Variants in GRIA4 observed in about 807,000 individuals in gnomAD.
GRIA4 encodes glutamate ionotropic receptor AMPA type subunit 4.
A neutral mutation model predicts 104.0 loss-of-function variants in GRIA4; 34 were observed. The ratio of observed to expected loss-of-function variants is 0.33; its 90% CI spans 0.25 to 0.44. GRIA4 has a LOEUF of 0.44. GRIA4 is among the 20% of genes least tolerant of loss of function. The probability of loss-of-function intolerance (pLI) is 1.00; values close to 1 mark genes in which losing one functional copy is unlikely to be tolerated. For missense variants in GRIA4, 750 were observed against 1,096.5 expected (o/e 0.68, Z 4.46); for synonymous variants, 386 against 381.9 (o/e 1.01, Z -0.13).
intron 4 of GRIA4, 89 bp from the exon 5 acceptor site, chr11:105,861,935 A>T: frequency 1.3e-6 from 1 of 748,214 alleles, no homozygotes; most frequent in East Asian, 2.5e-5. Context: ...ATTTTGGAAC[A>T]TAACAGTGTT....
chr11:105,887,310 T>C (rs1946299704), intron 5 of GRIA4, among the ~76,000 whole-genome samples: 2 of 152,140 alleles, frequency 1.3e-5, no homozygotes, highest in African/African-American at 4.8e-5. Context: ...TGATAGAATG[T>C]GATTTAAATA....
chr11:105,633,350 G>A (rs1352685634), intron 3 of GRIA4, among the ~76,000 whole-genome samples: 1 of 152,136 alleles, frequency 6.6e-6, no homozygotes, highest in Non-Finnish European at 1.5e-5. Flanking sequence ...ATTTTGAAAT[G>A]TCAATTTACA....
chr11:105,787,219 T>G (rs1287463412), intron 4 of GRIA4, among the ~76,000 whole-genome samples: 1 of 152,180 alleles, frequency 6.6e-6, no homozygotes, highest in African/African-American at 2.4e-5. Flanking sequence ...CAAACTCATA[T>G]TCAAATTAAT....
chr11:105,671,116 A>G (rs774895080), intron 3 of GRIA4, among the ~76,000 whole-genome samples: 2 of 152,160 alleles, frequency 1.3e-5, no homozygotes, highest in Non-Finnish European at 2.9e-5. Flanking sequence ...CCTGGGTAAT[A>G]CCAGATAATT....
chr11:105,830,607 G>A (rs934515317), intron 4 of GRIA4, among the ~76,000 whole-genome samples: 3 of 152,034 alleles, frequency 2.0e-5, no homozygotes, highest in African/African-American at 4.8e-5. Context: ...CAGATAGTAG[G>A]TGGTCTACTT....
intron 4 of GRIA4, among the ~76,000 whole-genome samples, chr11:105,794,537 GTCTC>G (rs1942398968): frequency 9.8e-6 from 1 of 102,330 alleles, no homozygotes; most frequent in Non-Finnish European, 2.0e-5. Flanking sequence ...ACACATATCT[GTCTC>G]TCTGAGATAT....
At position 105,748,413 on chromosome 11, in the gene GRIA4, C is replaced by T. The variant is rs932793267; in HGVS notation, c.248-4568C>T. On this transcript the variant is annotated intron_variant, in intron 3 of 16. Transcript: ENST00000282499. The stretch of plus-strand genomic sequence containing the variant: ...TTTTTTTTTGAGACGGAGTTTTGCT[C>T]TTGCTGCCCAGGCTGGAGTGCAGTG... Among the ~76,000 whole-genome samples the T allele has an allele frequency of 4.6e-5, 7 of 151,074 alleles. No homozygotes were observed. In the East Asian group the frequency reaches 1.2e-3, roughly 25 times the overall value.
At chr11:105,704,353 G>A (rs1160568155) in intron 3 of GRIA4, among the ~76,000 whole-genome samples, 3 of 152,106 alleles carry the variant, frequency 2.0e-5, no homozygotes, top group African/African-American at 7.2e-5. Flanking sequence ...TAGATAAGGA[G>A]GTAGTGGTTA....
rs139239148 is a variant in GRIA4, at chr11:105,972,895, A to C, written c.2409+867A>C. Among the ~76,000 whole-genome samples the C allele has an allele frequency of 3.6e-3, 546 of 152,288 alleles. 4 individuals carry two copies. Among genetic ancestry groups the C allele is most frequent in the African/African-American group, 0.013 (522 of 41,560 alleles). ...TCTTCTTTAAGAAAGAAAACAAATTACTGGATATTCTAAGATATTAAACAT... is the reference window on the plus strand; with the variant it reads ...TCTTCTTTAAGAAAGAAAACAAATTCCTGGATATTCTAAGATATTAAACAT... On this transcript the variant is annotated intron_variant, in intron 15 of 16. Coordinates refer to ENST00000282499, the MANE Select transcript of GRIA4 (RefSeq NM_000829.4).
chr11:105,839,231 A>G (rs1269394500), intron 4 of GRIA4, among the ~76,000 whole-genome samples: 3 of 152,160 alleles, frequency 2.0e-5, no homozygotes, highest in African/African-American at 7.2e-5. Flanking sequence ...TCCACTTTGT[A>G]TGGAAGATGT....
chr11:105,830,395 A>G (rs1338535093), intron 4 of GRIA4, among the ~76,000 whole-genome samples: 1 of 152,038 alleles, frequency 6.6e-6, no homozygotes, highest in African/African-American at 2.4e-5. Flanking sequence ...AATTTATTAA[A>G]GTTTATTCAA....
At chr11:105,846,033 CA>C in intron 4 of GRIA4, among the ~76,000 whole-genome samples, 1 of 152,232 alleles carries the variant, frequency 6.6e-6, no homozygotes, top group Non-Finnish European at 1.5e-5. Context: ...CTTAGAGAAA[CA>C]AAGTGTTTTT....
intron 4 of GRIA4, among the ~76,000 whole-genome samples, chr11:105,786,259 T>G (rs955190519): frequency 9.9e-5 from 15 of 152,078 alleles, no homozygotes; most frequent in Non-Finnish European, 2.2e-4. Context: ...AAGATCACAT[T>G]ACCGAGTTGA....
chr11:105,942,883 T>TG (rs969425655), intron 14 of GRIA4, among the ~76,000 whole-genome samples: 1 of 151,980 alleles, frequency 6.6e-6, no homozygotes, highest in Admixed American at 6.6e-5. Context: ...TTCCCAAAAA[T>TG]GGGGGGAAAT....
chr11:105,811,666 T>G (rs1049824281), intron 4 of GRIA4, among the ~76,000 whole-genome samples: 3 of 152,124 alleles, frequency 2.0e-5, no homozygotes, highest in Admixed American at 2.0e-4. Flanking sequence ...ATGCAGCAAA[T>G]TTTTTGGAAA....
chr11:105,924,282 C>T, intron 11 of GRIA4, 117 bp from the exon 12 acceptor site: 1 of 702,388 alleles, frequency 1.4e-6, no homozygotes, highest in Non-Finnish European at 2.3e-6. Flanking sequence ...TGTTGGCACT[C>T]CAAAAATAAA....
intron 13 of GRIA4, among the ~76,000 whole-genome samples, chr11:105,933,322 C>A (rs994768832): frequency 6.6e-6 from 1 of 151,980 alleles, no homozygotes; most frequent in Non-Finnish European, 1.5e-5. Context: ...AGGAATTTTA[C>A]AAACTTGAAA....
chr11:105,638,211 G>A lies in GRIA4; in HGVS notation c.247+25777G>A, dbSNP rs537146678. Among the ~76,000 whole-genome samples the A allele has an allele frequency of 2.4e-4, 36 of 152,218 alleles. 1 individual carries two copies. In the South Asian group the frequency reaches 6.6e-3, roughly 28 times the overall value. On this transcript the variant is annotated intron_variant, in intron 3 of 16. Transcript: ENST00000282499. ...GTTGTCAGCTGGAACACTAATGGAA[G>A]CCATGCATGGTGATTGATGTTAAAC... is the stretch of plus-strand genomic sequence containing the variant.
intron 4 of GRIA4, among the ~76,000 whole-genome samples, chr11:105,856,239 C>G (rs1945004082): frequency 6.6e-6 from 1 of 152,110 alleles, no homozygotes; most frequent in South Asian, 2.1e-4. Context: ...AATCATCCCT[C>G]TAAGACACAT....
Sources: allele counts gnomAD v4.1 joint callset (sites outside exome capture counted in the v4.1 genomes callset), GRCh38; gene constraint gnomAD v4.1.1; transcripts MANE v1.5; gene names NCBI Gene and HGNC (gene_info 2026-07-23, HGNC 2026-07-21).